XK: variants seen among roughly 807,000 people sequenced by gnomAD.
XK encodes X-linked Kx blood group antigen, Kell and VPS13A binding protein.
Under a neutral mutation model 14.0 loss-of-function variants are expected in XK, and 2 were observed. The ratio of observed to expected loss-of-function variants is 0.14; its 90% CI spans 0.06 to 0.45. The LOEUF is 0.45. Ranked by LOEUF, XK falls within the 20% of genes least tolerant of loss-of-function variation. The probability of loss-of-function intolerance (pLI) is 0.98; values close to 1 mark genes in which losing one functional copy is unlikely to be tolerated. For synonymous variants in XK, 149 were observed against 147.5 expected (o/e 1.01, Z -0.08); for missense variants, 235 against 341.5 (o/e 0.69, Z 2.46).
At position 37,730,156 on chromosome X, in the gene XK, A is replaced by AT. The variant is rs1928058214; in HGVS notation, c.*1700dup. ...TGTGGGGGTGTCCAGGCAGTAGATC[A>AT]TTTTTTGTCTATTTTTAACCAAATA... is the stretch of plus-strand genomic sequence containing the variant. On this transcript the variant is annotated 3_prime_UTR_variant, in exon 3 of 3. Transcript: ENST00000378616. The AT allele has an allele frequency of 9.0e-6, 1 of 111,700 alleles. No individual in the cohort carries two copies. Among genetic ancestry groups the AT allele is most frequent in the Non-Finnish European group, 1.9e-5 (1 of 53,106 alleles). 9.2% of individuals were successfully genotyped at this position (111,700 alleles called of 1,213,427 possible). A position where few individuals can be genotyped will look rare whatever the true frequency, so the allele number is the denominator to read the frequency against.
rs1026205702 is a variant in XK, at chrX:37,692,010, G to A, written c.246-2276G>A. 1.8e-4 allele frequency among the ~76,000 whole-genome samples: 20 copies of A among 111,151 alleles called. 1 individual carries two copies. The highest frequency in any genetic ancestry group is 9.3e-3 in the Middle Eastern group (2 of 216). On this transcript the variant is annotated intron_variant, in intron 1 of 2. Transcript: ENST00000378616. ...TCTTTTAAAAAAAATTTATATATTGGTATATGTACTTCTATACCATTGATG... is the reference window on the plus strand; with the variant it reads ...TCTTTTAAAAAAAATTTATATATTGATATATGTACTTCTATACCATTGATG...
chrX:37,693,427 A>G (rs1314043473), intron 1 of XK, among the ~76,000 whole-genome samples: 1 of 110,278 alleles, frequency 9.1e-6, no homozygotes, highest in Non-Finnish European at 1.9e-5. Flanking sequence ...CTCACCACCT[A>G]GATTCTACAA....
In XK at chrX:37,686,082, T is replaced by G; in HGVS notation, c.121T>G (p.Leu41Val). The change falls in exon 1 of 3, where the codon TTG becomes GTG. Residue 41 changes from leucine to valine, a missense_variant. By Grantham distance (32) the Leu-to-Val change is conservative. Coordinates refer to ENST00000378616, the MANE Select transcript of XK (RefSeq NM_021083.4). ...GGDRMWQALT[L>V]LFSLLPCALV... is the part of the protein sequence containing the mutation. ...GGACCGCATGTGGCAGGCGCTGACG[T>G]TGCTTTTCTCGCTACTGCCTTGCGC... 2 of 1,211,927 alleles carry G rather than the reference T, an allele frequency of 1.7e-6. No homozygotes were observed. Among genetic ancestry groups the G allele is most frequent in the Non-Finnish European group, 2.2e-6 (2 of 895,537 alleles).
At chrX:37,705,622 T>C (rs1192705132) in intron 2 of XK, among the ~76,000 whole-genome samples, 3 of 111,495 alleles carry the variant, frequency 2.7e-5, no homozygotes, top group African/African-American at 9.8e-5. Context: ...CACTGACAAA[T>C]CTCTAGGAAC....
At chrX:37,708,560 T>G (rs1243962880) in intron 2 of XK, among the ~76,000 whole-genome samples, 1 of 112,388 alleles carries the variant, frequency 8.9e-6, no homozygotes, top group African/African-American at 3.2e-5. Context: ...ATGGCAGTCA[T>G]AGGAAACAAA....
At chrX:37,706,631 A>AATTTT (rs1244702675) in intron 2 of XK, among the ~76,000 whole-genome samples, 1 of 109,416 alleles carries the variant, frequency 9.1e-6, no homozygotes, top group Non-Finnish European at 1.9e-5. Flanking sequence ...TTAATTAATT[A>AATTTT]ATTTTATTTT....
chrX:37,707,569 C>G (rs1223815026), intron 2 of XK, among the ~76,000 whole-genome samples: 1 of 99,096 alleles, frequency 1.0e-5, no homozygotes, highest in African/African-American at 3.9e-5. Flanking sequence ...ACTTCTCAGA[C>G]GGGGCGGCCG....
At chrX:37,722,883 A>G (rs1927907249) in intron 2 of XK, among the ~76,000 whole-genome samples, 1 of 111,730 alleles carries the variant, frequency 9.0e-6, no homozygotes, top group Non-Finnish European at 1.9e-5. Flanking sequence ...ATAACTTTAC[A>G]TAGAGATTAA....
At chrX:37,696,921 C>A (rs1927317226) in intron 2 of XK, among the ~76,000 whole-genome samples, 1 of 111,924 alleles carries the variant, frequency 8.9e-6, no homozygotes, top group Non-Finnish European at 1.9e-5. Context: ...ATGAATATAG[C>A]TTTTTCATAA....
chrX:37,724,313 A>G (rs954309025), intron 2 of XK, among the ~76,000 whole-genome samples: 4 of 111,841 alleles, frequency 3.6e-5, no homozygotes, highest in African/African-American at 1.3e-4. Context: ...ACAACAATCA[A>G]GACAGTGTAG....
At position 37,686,137 on chromosome X, in the gene XK, A is replaced by C. The variant is rs1556440146; in HGVS notation, c.176A>C (p.His59Pro). Residue 59 changes from histidine to proline, a missense_variant, in exon 1 of 3, where the codon CAC becomes CCC. Physicochemically the swap from His to Pro is moderately conservative, Grantham distance 77. Coordinates refer to ENST00000378616, the MANE Select transcript of XK (RefSeq NM_021083.4). ...GTGCAGCTCACGCTTCTCTTCGTAC[A>C]CCGCGACCTCAGCCGCGACCGCCCG... is the stretch of plus-strand genomic sequence containing the variant. ...ALVQLTLLFV[H>P]RDLSRDRPLV... 8.3e-7 allele frequency: 1 copy of C among 1,208,934 alleles called. No homozygotes were observed. The highest frequency in any genetic ancestry group is 1.1e-6 in the Non-Finnish European group (1 of 894,657).
At chrX:37,696,225 A>G (rs1286893638) in intron 2 of XK, among the ~76,000 whole-genome samples, 1 of 112,698 alleles carries the variant, frequency 8.9e-6, no homozygotes, top group East Asian at 2.8e-4. Flanking sequence ...GACTAAAACA[A>G]CAGAGTCGAG....
At chrX:37,721,825 A>C (rs1175166894) in intron 2 of XK, among the ~76,000 whole-genome samples, 2 of 111,859 alleles carry the variant, frequency 1.8e-5, no homozygotes, top group African/African-American at 6.5e-5. Context: ...TGAATGGACC[A>C]TGTCTTGTAT....
rs28998775 is a variant in XK at position 37,710,593 on chromosome X, C to T, written c.508+16045C>T. 6.6e-3 allele frequency among the ~76,000 whole-genome samples: 729 copies of T among 110,471 alleles called. 11 individuals are homozygous for T. The highest frequency in any genetic ancestry group is 0.023 in the African/African-American group (701 of 30,291). On this transcript the variant is annotated intron_variant, in intron 2 of 2. Coordinates refer to ENST00000378616, the MANE Select transcript of XK (RefSeq NM_021083.4). ...GGTGGATTACCTGAGGTCAGGAGTT[C>T]GAGACCAGCCTGGCTAACATGGTGA... is the stretch of plus-strand genomic sequence containing the variant.
intron 1 of XK, among the ~76,000 whole-genome samples, chrX:37,688,799 C>T (rs1035235084): frequency 9.0e-6 from 1 of 111,602 alleles, no homozygotes; most frequent in Non-Finnish European, 1.9e-5. Context: ...TATATAAAAA[C>T]AGGATGACAA....
intron 2 of XK, among the ~76,000 whole-genome samples, chrX:37,705,829 C>T (rs1312242880): frequency 2.8e-5 from 3 of 106,747 alleles, no homozygotes; most frequent in South Asian, 4.2e-4. Context: ...CATGGCTCAC[C>T]GTAGCCTCAA....
chrX:37,726,465 C>G (rs1326226229), intron 2 of XK, among the ~76,000 whole-genome samples: 1 of 111,401 alleles, frequency 9.0e-6, no homozygotes, highest in South Asian at 3.7e-4. Context: ...GCCAGGCTGT[C>G]GGTTCCTAAC....
intron 2 of XK, among the ~76,000 whole-genome samples, chrX:37,704,680 A>G (rs987125398): frequency 3.6e-5 from 4 of 111,870 alleles, no homozygotes; most frequent in Non-Finnish European, 7.5e-5. Context: ...TACTAAAAAT[A>G]CAAAATTAGC....
chrX:37,727,501 TA>T, intron 2 of XK, 134 bp from the exon 3 acceptor site: 1 of 570,840 alleles, frequency 1.8e-6, no homozygotes, highest in Non-Finnish European at 2.9e-6. Flanking sequence ...GGGCAGATGC[TA>T]ACAACTGGAA....
Sources: gnomAD v4.1 joint callset for allele counts (sites outside exome capture counted in the v4.1 genomes callset) on GRCh38, gnomAD v4.1.1 for gene constraint, MANE v1.5 for transcripts, NCBI Gene and HGNC (gene_info 2026-07-23, HGNC 2026-07-21) for gene names.